The following RIMS2 variants were observed in gnomAD, a reference collection of about 807,000 sequenced individuals.
RIMS2 encodes the protein regulating synaptic membrane exocytosis protein 2.
Under a neutral mutation model 174.4 loss-of-function variants are expected in RIMS2, and 59 were observed. The ratio of observed to expected loss-of-function variants is 0.34; its 90% CI spans 0.27 to 0.42. RIMS2 has a LOEUF of 0.42. Ranked by LOEUF, RIMS2 falls within the 10% of genes least tolerant of loss-of-function variation. The probability of loss-of-function intolerance (pLI) is 1.00; values close to 1 mark genes in which losing one functional copy is unlikely to be tolerated. For missense variants in RIMS2, 1,620 were observed against 1,666.3 expected (o/e 0.97, Z 0.48); for synonymous variants, 606 against 572.5 (o/e 1.06, Z -0.84).
chr8:104,106,678 T>G (rs538981970), intron 19 of RIMS2, among the ~76,000 whole-genome samples: 1 of 151,886 alleles, frequency 6.6e-6, no homozygotes, highest in East Asian at 1.9e-4. Flanking sequence ...ATGAAATAAT[T>G]ACAGTAGAAA....
At chr8:103,756,965 A>ATG (rs1349560305) in intron 2 of RIMS2, among the ~76,000 whole-genome samples, 14 of 109,868 alleles carry the variant, frequency 1.3e-4, no homozygotes, top group South Asian at 3.1e-4. Flanking sequence ...CCTTTCTCGT[A>ATG]TGTGTGTGTG....
intron 1 of RIMS2, among the ~76,000 whole-genome samples, chr8:103,582,825 G>C (rs1563876828): frequency 6.6e-6 from 1 of 152,188 alleles, no homozygotes; most frequent in South Asian, 2.1e-4. Flanking sequence ...CTGGCCCCCA[G>C]ATGGCACCTC....
intron 1 of RIMS2, among the ~76,000 whole-genome samples, chr8:103,634,219 T>C (rs1447549833): frequency 2.0e-5 from 3 of 152,260 alleles, no homozygotes; most frequent in Non-Finnish European, 2.9e-5. Context: ...GTAAGTTGTA[T>C]CTTTGTTTTC....
At chr8:103,579,486 A>G (rs374094907) in intron 1 of RIMS2, among the ~76,000 whole-genome samples, 5 of 152,312 alleles carry the variant, frequency 3.3e-5, no homozygotes, top group African/African-American at 1.2e-4. Flanking sequence ...CAGATCTAAC[A>G]ATAATCATAG....
chr8:103,923,738 A>T (rs2078178140), intron 10 of RIMS2, among the ~76,000 whole-genome samples: 1 of 151,748 alleles, frequency 6.6e-6, no homozygotes, highest in Admixed American at 6.6e-5. Flanking sequence ...ATATACCCAT[A>T]CCCCACCCAC....
chr8:103,599,920 T>G (rs1429581669), intron 1 of RIMS2, among the ~76,000 whole-genome samples: 1 of 152,204 alleles, frequency 6.6e-6, no homozygotes, highest in African/African-American at 2.4e-5. Context: ...TTGTAGTTAT[T>G]TAAAAATTTA....
chr8:103,604,172 TG>T (rs2094922387), intron 1 of RIMS2, among the ~76,000 whole-genome samples: 1 of 150,634 alleles, frequency 6.6e-6, no homozygotes, highest in East Asian at 1.9e-4. Context: ...AATTAATTTT[TG>T]TATAAGGTGT....
At chr8:104,168,016 T>G (rs1443390139) in intron 19 of RIMS2, among the ~76,000 whole-genome samples, 4 of 152,162 alleles carry the variant, frequency 2.6e-5, no homozygotes, top group Admixed American at 6.5e-5. Context: ...TTCTATTCCA[T>G]TGGTTTAGGT....
chr8:103,943,806 A>C (rs2083091035), intron 14 of RIMS2, among the ~76,000 whole-genome samples: 1 of 152,184 alleles, frequency 6.6e-6, no homozygotes, highest in Non-Finnish European at 1.5e-5. Context: ...AGCATGCTCC[A>C]GTTTTAGCAA....
In RIMS2 at chr8:103,904,290, G is replaced by A. The variant is rs183154245; in HGVS notation, c.1625-5844G>A. On this transcript the variant is annotated intron_variant, in intron 4 of 23. Transcript: ENST00000504942. ...AGTTTTTTCCTTTTTATTATAAGTA[G>A]CATTCCATGGTATAGATATACCACA... Among the ~76,000 whole-genome samples the A allele has an allele frequency of 2.6e-4, 39 of 152,000 alleles. 1 individual carries two copies. The highest frequency in any genetic ancestry group is 1.1e-3 in the Admixed American group (17 of 15,256).
intron 3 of RIMS2, among the ~76,000 whole-genome samples, chr8:103,826,901 T>C (rs557583790): frequency 6.6e-6 from 1 of 152,026 alleles, no homozygotes; most frequent in African/African-American, 2.4e-5. Flanking sequence ...ACTCCTGGCT[T>C]CAGGCTATCT....
intron 19 of RIMS2, among the ~76,000 whole-genome samples, chr8:104,131,590 C>G (rs1236494617): frequency 6.6e-6 from 1 of 152,070 alleles, no homozygotes; most frequent in Non-Finnish European, 1.5e-5. Flanking sequence ...TTTCTTTACC[C>G]TTAGAAAAGA....
At chr8:103,838,439 C>A (rs2098917596) in intron 3 of RIMS2, among the ~76,000 whole-genome samples, 1 of 152,216 alleles carries the variant, frequency 6.6e-6, no homozygotes, top group African/African-American at 2.4e-5. Context: ...AAGGAGAAGC[C>A]AAAGAAAATA....
chr8:103,620,817 C>G (rs1339605742), intron 1 of RIMS2, among the ~76,000 whole-genome samples: 2 of 152,032 alleles, frequency 1.3e-5, no homozygotes, highest in Admixed American at 6.6e-5. Context: ...AATAAGAACA[C>G]CCTTTTCAAA....
intron 19 of RIMS2, among the ~76,000 whole-genome samples, chr8:104,020,545 A>G (rs549155853): frequency 1.7e-4 from 26 of 152,100 alleles, no homozygotes; most frequent in African/African-American, 6.3e-4. Context: ...ATGCAATTCT[A>G]TTTTATTGAA....
intron 3 of RIMS2, among the ~76,000 whole-genome samples, chr8:103,833,166 G>T (rs1170486199): frequency 6.6e-6 from 1 of 152,012 alleles, no homozygotes; most frequent in Non-Finnish European, 1.5e-5. Flanking sequence ...TTAAATTTAC[G>T]TTTCTGTAGT....
intron 4 of RIMS2, among the ~76,000 whole-genome samples, chr8:103,889,219 AT>A (rs1035689285): frequency 3.3e-5 from 5 of 151,774 alleles, no homozygotes. Context: ...AGTTAAAGAA[AT>A]TTTGTTAGTG....
At chr8:103,926,165 A>T (rs2078734969) in intron 10 of RIMS2, among the ~76,000 whole-genome samples, 2 of 151,562 alleles carry the variant, frequency 1.3e-5, no homozygotes, top group African/African-American at 2.4e-5. Flanking sequence ...ACTTGTAAAA[A>T]TATTCTGTAA....
In RIMS2 at chr8:104,237,556, A is replaced by G. The variant is rs1016950216; in HGVS notation, c.3335-7360A>G. 7.2e-5 allele frequency among the ~76,000 whole-genome samples: 11 copies of G among 152,280 alleles called. No individual in the cohort carries two copies. The South Asian group carries it at 1.4e-3, about 20-fold the overall frequency. On this transcript the variant is annotated intron_variant, in intron 19 of 23. Coordinates refer to ENST00000504942, the Ensembl canonical transcript of RIMS2. ...AGAGGTGGGAATAAAGTGAATATAC[A>G]TGAATAGACCTAACATCTACCATAA...
Sources: allele counts gnomAD v4.1 joint callset (sites outside exome capture counted in the v4.1 genomes callset), GRCh38; gene constraint gnomAD v4.1.1; transcripts MANE v1.5; gene names NCBI Gene and HGNC (gene_info 2026-07-23, HGNC 2026-07-21).